Variants in PCDH11X observed in about 807,000 individuals in gnomAD.
The protein encoded by PCDH11X is protocadherin 11 X-linked, also known as protocadherin-11 X-linked.
Under a neutral mutation model 53.3 loss-of-function variants are expected in PCDH11X, and 18 were observed. The ratio of observed to expected loss-of-function variants is 0.34; its 90% CI spans 0.23 to 0.50. The LOEUF is 0.50. Among genes scored for constraint, PCDH11X ranks in the 20% least tolerant of loss-of-function variants. The pLI is 0.98. For missense variants in PCDH11X, 570 were observed against 1,032.4 expected, an observed-to-expected ratio of 0.55 and a Z score of 6.14; for synonymous variants, 279 against 393.3, an observed-to-expected ratio of 0.71 and a Z score of 3.44.
chrX:92,317,680 A>G lies in PCDH11X; in HGVS notation c.3144+54537A>G, dbSNP rs1229094304. Among the ~76,000 whole-genome samples, 86 of 111,870 alleles carry G rather than the reference A, an allele frequency of 7.7e-4. 1 individual carries two copies. Among genetic ancestry groups the G allele is most frequent in the Non-Finnish European group, 2.8e-4 (15 of 53,082 alleles). On this transcript the variant is annotated intron_variant, in intron 8 of 10. Coordinates refer to ENST00000682573, the MANE Select transcript of PCDH11X (RefSeq NM_032968.5). ...TCTAACAGATTTTTTTCGGTCATTA[A>G]TATTTAAGTGTAAAAAGCAATTTAG...
intron 8 of PCDH11X, among the ~76,000 whole-genome samples, chrX:92,381,330 T>C (rs182188443): frequency 1.4e-4 from 16 of 111,405 alleles, no homozygotes; most frequent in African/African-American, 4.9e-4. Context: ...GCAATTGTTT[T>C]CCATGTGCTA....
chrX:91,784,071 G>C (rs1198547163), intron 1 of PCDH11X, among the ~76,000 whole-genome samples: 1 of 112,231 alleles, frequency 8.9e-6, no homozygotes, highest in Non-Finnish European at 1.9e-5. Flanking sequence ...ATGAGGGCTT[G>C]ATGTCTTGTT....
rs772592755 is a variant in PCDH11X at position 92,078,335 on chromosome X, C to G, written c.3034-123040C>G. Among the ~76,000 whole-genome samples, 9 of 111,183 alleles carry G rather than the reference C, an allele frequency of 8.1e-5. No individual in the cohort carries two copies. The South Asian group carries it at 3.4e-3, about 42-fold the overall frequency. On this transcript the variant is annotated intron_variant, in intron 6 of 10. Transcript: ENST00000682573. ...GCTTAAATCTTTCTTCATTTTTCTT[C>G]TTCATTTTTTACTTTTACAGAGAAT...
chrX:92,394,406 A>G (rs1308511185), intron 9 of PCDH11X, among the ~76,000 whole-genome samples: 2 of 111,273 alleles, frequency 1.8e-5, no homozygotes, highest in African/African-American at 6.5e-5. Context: ...TTGAAAGCCA[A>G]TGCCATAGGT....
intron 8 of PCDH11X, among the ~76,000 whole-genome samples, chrX:92,339,201 A>T (rs2148513219): frequency 8.9e-6 from 1 of 112,272 alleles, no homozygotes; most frequent in Non-Finnish European, 1.9e-5. Flanking sequence ...GCTGCTAGGA[A>T]AACTGGCTAT....
chrX:92,329,112 A>G (rs977274790), intron 8 of PCDH11X, among the ~76,000 whole-genome samples: 1 of 111,595 alleles, frequency 9.0e-6, no homozygotes, highest in African/African-American at 3.2e-5. Flanking sequence ...TTATTGTAGG[A>G]ATGAAAGATT....
At chrX:92,240,424 C>A (rs761082894) in intron 7 of PCDH11X, among the ~76,000 whole-genome samples, 58 of 111,673 alleles carry the variant, frequency 5.2e-4, no homozygotes, top group African/African-American at 1.9e-3. Context: ...TTTTAAAGGA[C>A]TTGCCTGATT....
intron 10 of PCDH11X, among the ~76,000 whole-genome samples, chrX:92,495,889 C>A (rs1038480061): frequency 9.5e-6 from 1 of 105,424 alleles, no homozygotes; most frequent in African/African-American, 3.8e-5. Flanking sequence ...TATCTCCCAC[C>A]GAGTCCCTCC....
intron 6 of PCDH11X, among the ~76,000 whole-genome samples, chrX:92,151,339 C>T (rs1569392777): frequency 9.1e-6 from 1 of 109,523 alleles, no homozygotes; most frequent in Non-Finnish European, 1.9e-5. Flanking sequence ...ACTACAGGGG[C>T]CCGCCACCGT....
chrX:91,884,761 G>A (rs1940122328), intron 6 of PCDH11X, among the ~76,000 whole-genome samples: 1 of 110,920 alleles, frequency 9.0e-6, no homozygotes, highest in South Asian at 3.8e-4. Flanking sequence ...TAAAAAGGGA[G>A]TACAAAGGAC....
chrX:91,823,266 C>T (rs1029448469), intron 4 of PCDH11X, among the ~76,000 whole-genome samples: 5 of 110,894 alleles, frequency 4.5e-5, no homozygotes, highest in African/African-American at 1.6e-4. Flanking sequence ...CTAATGTTGA[C>T]AGTGGGGTGT....
At chrX:92,276,808 C>G (rs1049436459) in intron 8 of PCDH11X, among the ~76,000 whole-genome samples, 3 of 111,533 alleles carry the variant, frequency 2.7e-5, no homozygotes, top group Non-Finnish European at 5.6e-5. Flanking sequence ...CTTTTAGGGT[C>G]TAGGGCTGTA....
At chrX:92,533,595 T>C (rs1012231231) in intron 10 of PCDH11X, among the ~76,000 whole-genome samples, 3 of 108,117 alleles carry the variant, frequency 2.8e-5, no homozygotes, top group Non-Finnish European at 5.7e-5. Context: ...ATTTTAGTGG[T>C]GAAAGAAAGA....
intron 10 of PCDH11X, among the ~76,000 whole-genome samples, chrX:92,536,490 G>A (rs2074660824): frequency 9.1e-6 from 1 of 110,110 alleles, no homozygotes; most frequent in Non-Finnish European, 1.9e-5. Flanking sequence ...AGTGGGATTG[G>A]TATACCATAT....
intron 4 of PCDH11X, among the ~76,000 whole-genome samples, chrX:91,822,780 G>A (rs1271090337): frequency 9.0e-6 from 1 of 111,110 alleles, no homozygotes; most frequent in African/African-American, 3.3e-5. Flanking sequence ...TGTCAATTTT[G>A]GATCTTTCCT....
At chrX:91,929,250 T>G (rs1449031979) in intron 6 of PCDH11X, among the ~76,000 whole-genome samples, 1 of 111,037 alleles carries the variant, frequency 9.0e-6, no homozygotes, top group African/African-American at 3.3e-5. Flanking sequence ...TTATTTAGTT[T>G]ATATTGTTAT....
At chrX:91,815,043 A>G (rs1252074703) in intron 4 of PCDH11X, among the ~76,000 whole-genome samples, 1 of 111,204 alleles carries the variant, frequency 9.0e-6, no homozygotes, top group Admixed American at 9.6e-5. Context: ...TAACACTATA[A>G]GGTAGACACA....
At chrX:91,899,395 C>T (rs919618298) in intron 6 of PCDH11X, among the ~76,000 whole-genome samples, 1 of 110,748 alleles carries the variant, frequency 9.0e-6, no homozygotes, top group African/African-American at 3.3e-5. Flanking sequence ...TTGTGTCCAC[C>T]GATTGAGGGT....
chrX:92,129,398 C>T (rs1300328803), intron 6 of PCDH11X, among the ~76,000 whole-genome samples: 3 of 111,226 alleles, frequency 2.7e-5, no homozygotes, highest in Non-Finnish European at 3.8e-5. Flanking sequence ...CCCCCACCTC[C>T]GTGCCAAAAA....
Sources: allele counts gnomAD v4.1 joint callset (sites outside exome capture counted in the v4.1 genomes callset), GRCh38; gene constraint gnomAD v4.1.1; transcripts MANE v1.5; gene names NCBI Gene and HGNC (gene_info 2026-07-23, HGNC 2026-07-21).